Variants in TIAM1 observed in about 807,000 individuals in gnomAD.
TIAM1 encodes the protein TIAM Rac1 associated GEF 1.
Under a neutral mutation model 163.5 loss-of-function variants are expected in TIAM1, and 65 were observed. The ratio of observed to expected loss-of-function variants is 0.40; its 90% CI spans 0.33 to 0.49. The LOEUF (loss-of-function observed/expected upper bound fraction) is 0.49, where lower values mean the gene tolerates loss of function less well. TIAM1 is among the 20% of genes least tolerant of loss of function. The probability of loss-of-function intolerance (pLI) is 0.77; values close to 1 mark genes in which losing one functional copy is unlikely to be tolerated. For missense variants in TIAM1, 1,789 were observed against 2,044.7 expected (o/e 0.87, Z 2.41); for synonymous variants, 833 against 810.1 (o/e 1.03, Z -0.48).
At chr21:31,180,518 CCT>C (rs1491563024) in intron 15 of TIAM1, among the ~76,000 whole-genome samples, 1 of 117,260 alleles carries the variant, frequency 8.5e-6, no homozygotes, top group African/African-American at 4.9e-5. Context: ...AGTTTACCCA[CCT>C]CTTTTTTTTT....
At chr21:31,157,073 T>A (rs1347389341) in intron 16 of TIAM1, among the ~76,000 whole-genome samples, 1 of 152,234 alleles carries the variant, frequency 6.6e-6, no homozygotes, top group Non-Finnish European at 1.5e-5. Flanking sequence ...AAAGAAACCA[T>A]TTTTACTGTA....
intron 20 of TIAM1, among the ~76,000 whole-genome samples, chr21:31,144,481 C>T (rs1285780150): frequency 6.6e-6 from 1 of 152,188 alleles, no homozygotes; most frequent in Non-Finnish European, 1.5e-5. Context: ...CATGAACATG[C>T]ACTTTGTTGT....
chr21:31,364,378 T>C (rs144257452), intron 2 of TIAM1, among the ~76,000 whole-genome samples: 4 of 152,202 alleles, frequency 2.6e-5, no homozygotes, highest in East Asian at 3.9e-4. Context: ...CAAACTAAGA[T>C]TGTGATCAAA....
chr21:31,276,113 T>C (rs2073288086), intron 3 of TIAM1, among the ~76,000 whole-genome samples: 1 of 152,014 alleles, frequency 6.6e-6, no homozygotes, highest in Non-Finnish European at 1.5e-5. Flanking sequence ...AGCCTGTTTT[T>C]TCCCTACTGG....
chr21:31,189,973 CAG>C (rs1491527641), intron 13 of TIAM1, among the ~76,000 whole-genome samples: 2 of 152,230 alleles, frequency 1.3e-5, no homozygotes, highest in African/African-American at 4.8e-5. Flanking sequence ...TGATTGCCAA[CAG>C]GGGGCAGAGG....
At position 31,301,661 on chromosome 21, in the gene TIAM1, G is replaced by A. The variant is rs538099585; in HGVS notation, c.-188-24753C>T. On this transcript the variant is annotated intron_variant, in intron 2 of 27. Transcript: ENST00000541036. ...TCGAGACAAGCCTGGCCAACATGGC[G>A]AAACCCCCTCTTTACTAAAAATATA... 9.9e-5 allele frequency among the ~76,000 whole-genome samples: 15 copies of A among 152,122 alleles called. No homozygotes were observed. In the South Asian group the frequency reaches 2.1e-3, roughly 21 times the overall value.
chr21:31,196,374 C>T (rs945867505), intron 12 of TIAM1, among the ~76,000 whole-genome samples: 6 of 150,670 alleles, frequency 4.0e-5, no homozygotes, highest in Non-Finnish European at 5.9e-5. Context: ...TGCAGTGGCG[C>T]GATCTCGGCT....
intron 2 of TIAM1, among the ~76,000 whole-genome samples, chr21:31,410,192 AAC>A (rs767463619): frequency 2.7e-5 from 4 of 145,926 alleles, no homozygotes; most frequent in African/African-American, 5.5e-5. Context: ...GTGAGTGTGA[AAC>A]AGTGATTGTG....
At chr21:31,317,110 G>A (rs933595776) in intron 2 of TIAM1, among the ~76,000 whole-genome samples, 11 of 152,256 alleles carry the variant, frequency 7.2e-5, no homozygotes, top group South Asian at 2.1e-4. Context: ...TCAAATCCCC[G>A]TAAGCTCTGT....
chr21:31,495,006 T>A (rs981582188), intron 1 of TIAM1, among the ~76,000 whole-genome samples: 1 of 152,304 alleles, frequency 6.6e-6, no homozygotes, highest in Admixed American at 6.5e-5. Context: ...CAAAGGGACG[T>A]CATGTTGCCA....
chr21:31,185,458 A>T (rs2085247492), intron 14 of TIAM1, among the ~76,000 whole-genome samples: 1 of 145,066 alleles, frequency 6.9e-6, no homozygotes, highest in South Asian at 2.1e-4. Context: ...AACGATTATT[A>T]TATAATGTAT....
At chr21:31,534,900 T>G (rs550434683) in intron 1 of TIAM1, among the ~76,000 whole-genome samples, 1 of 151,534 alleles carries the variant, frequency 6.6e-6, no homozygotes, top group Admixed American at 6.6e-5. Flanking sequence ...AGCCCAGGAG[T>G]TCGAGAACAG....
intron 16 of TIAM1, among the ~76,000 whole-genome samples, chr21:31,157,957 A>T (rs1224962393): frequency 6.6e-6 from 1 of 152,214 alleles, no homozygotes; most frequent in Non-Finnish European, 1.5e-5. Context: ...CAAAAGACAA[A>T]GGAACCTAAC....
At chr21:31,396,147 C>T (rs1053771853) in intron 2 of TIAM1, among the ~76,000 whole-genome samples, 1 of 152,186 alleles carries the variant, frequency 6.6e-6, no homozygotes, top group South Asian at 2.1e-4. Context: ...CTGCAAAACA[C>T]ATCTAACAAA....
Position 31,495,298 on chromosome 21 carries a change from A to G in TIAM1, c.-421-31263T>C, listed in dbSNP as rs115889300. On this transcript the variant is annotated intron_variant, in intron 1 of 28. Transcript: ENST00000286827. ...CACAGTTCCGGAGGCTGGGAAGTCC[A>G]AGATCAAGGCACCGGCAGATTCAGT... 8.5e-3 allele frequency among the ~76,000 whole-genome samples: 1,293 copies of G among 152,336 alleles called. 25 individuals carry two copies. The highest frequency in any genetic ancestry group is 0.029 in the African/African-American group (1,199 of 41,580).
At chr21:31,465,955 C>T (rs11911731) in intron 1 of TIAM1, among the ~76,000 whole-genome samples, 17,009 of 152,182 alleles carry the variant, frequency 0.11, 1,727 homozygotes, top group East Asian at 0.57. Context: ...ATCCGCCCGC[C>T]TCGGCCTCCC....
intron 2 of TIAM1, among the ~76,000 whole-genome samples, chr21:31,300,770 C>G (rs1474381584): frequency 6.6e-6 from 1 of 152,150 alleles, no homozygotes; most frequent in Admixed American, 6.5e-5. Context: ...AAGAACATTG[C>G]CAATGGCAAA....
At chr21:31,475,020 A>G (rs112653633) in intron 1 of TIAM1, among the ~76,000 whole-genome samples, 27,194 of 119,310 alleles carry the variant, frequency 0.23, 3,178 homozygotes, top group South Asian at 0.33. Context: ...GCTGTGAGCT[A>G]GTTTTTTATT....
At chr21:31,413,292 C>T (rs1244307763) in intron 2 of TIAM1, among the ~76,000 whole-genome samples, 10 of 98,794 alleles carry the variant, frequency 1.0e-4, no homozygotes, top group African/African-American at 2.0e-4. Flanking sequence ...TTTTTTGAGA[C>T]GGAGTCTCAC....
Sources: gnomAD v4.1 joint callset for allele counts (sites outside exome capture counted in the v4.1 genomes callset) on GRCh38, gnomAD v4.1.1 for gene constraint, MANE v1.5 for transcripts, NCBI Gene and HGNC (gene_info 2026-07-23, HGNC 2026-07-21) for gene names.